GRM3: variants seen among roughly 807,000 people sequenced by gnomAD.
GRM3 encodes the protein metabotropic glutamate receptor 3.
In GRM3, 26 loss-of-function variants were observed where a neutral mutation model predicts 70.5. The observed-to-expected ratio is 0.37, with a 90% CI of 0.27 to 0.51. The LOEUF (loss-of-function observed/expected upper bound fraction) is 0.51. GRM3 is among the 20% of genes least tolerant of loss of function. GRM3 has a pLI of 0.93. For missense variants in GRM3, 859 were observed against 1,123.8 expected (o/e 0.76, Z 3.37); for synonymous variants, 443 against 434.9 (o/e 1.02, Z -0.23).
At chr7:86,810,661 A>G (rs1797891753) in intron 3 of GRM3, among the ~76,000 whole-genome samples, 1 of 151,992 alleles carries the variant, frequency 6.6e-6, no homozygotes, top group South Asian at 2.1e-4. Context: ...AAGTATTGCA[A>G]TATAAATAAA....
At chr7:86,669,829 C>A (rs934466035) in intron 1 of GRM3, among the ~76,000 whole-genome samples, 2 of 152,140 alleles carry the variant, frequency 1.3e-5, no homozygotes, top group Non-Finnish European at 2.9e-5. Flanking sequence ...TACACTTAGT[C>A]TCTCAATGAA....
Position 86,838,942 on chromosome 7 carries a change from A to G in GRM3, c.1428A>G (p.Gly476=). 1.2e-6 allele frequency: 2 copies of G among 1,613,846 alleles called. No homozygotes were observed. Among genetic ancestry groups the G allele is most frequent in the South Asian group, 2.2e-5 (2 of 91,072 alleles). The change falls in exon 4 of 6, where the codon GGA becomes GGG. Residue 476 remains glycine (G), a synonymous_variant. Coordinates refer to ENST00000361669, the MANE Select transcript of GRM3 (RefSeq NM_000840.3). ...TGTTCAATTTCCAAAATGTAGGTGG[A>G]AAGTATTCCTACTTGAAAGTTGGTC... ...YNVFNFQNVG[G]KYSYLKVGHW... is the part of the protein sequence containing the mutation.
chr7:86,681,363 A>C (rs1794436595), intron 1 of GRM3, among the ~76,000 whole-genome samples: 1 of 152,168 alleles, frequency 6.6e-6, no homozygotes, highest in Admixed American at 6.6e-5. Context: ...ATATGCCATC[A>C]GTTTCTAAGA....
chr7:86,802,683 C>T (rs892535836), intron 3 of GRM3, among the ~76,000 whole-genome samples: 2 of 151,592 alleles, frequency 1.3e-5, no homozygotes, highest in African/African-American at 2.4e-5. Flanking sequence ...TCACACCATT[C>T]TCTCACTCTA....
At chr7:86,736,949 C>T (rs1387933649) in intron 1 of GRM3, among the ~76,000 whole-genome samples, 4 of 151,426 alleles carry the variant, frequency 2.6e-5, no homozygotes, top group Non-Finnish European at 5.9e-5. Flanking sequence ...CAGACAGGCT[C>T]ATCAAAAAAA....
chr7:86,720,396 T>C (rs1471894451), intron 1 of GRM3, among the ~76,000 whole-genome samples: 1 of 152,032 alleles, frequency 6.6e-6, no homozygotes, highest in Non-Finnish European at 1.5e-5. Flanking sequence ...AGCAGTTGAT[T>C]AAAATAGCTT....
In GRM3 at chr7:86,831,791, G is replaced by A. The variant is rs141666719; in HGVS notation, c.1325-7048G>A. On this transcript the variant is annotated intron_variant, in intron 3 of 5. Coordinates refer to ENST00000361669, the MANE Select transcript of GRM3 (RefSeq NM_000840.3). ...AGTCCTCTTCAAAAGTCATAGCACC[G>A]TTAAAAAAAAAAAAAAAAAAAAAGC... Among the ~76,000 whole-genome samples, 11 of 62,706 alleles carry A rather than the reference G, an allele frequency of 1.8e-4. No individual in the cohort carries two copies. In the East Asian group the frequency reaches 4.2e-3, roughly 24 times the overall value. The allele number at this position is 62,706 out of a possible 152,430, so 41.1% of individuals were successfully genotyped here.
chr7:86,693,496 G>A (rs1794741975), intron 1 of GRM3, among the ~76,000 whole-genome samples: 1 of 152,160 alleles, frequency 6.6e-6, no homozygotes, highest in African/African-American at 2.4e-5. Context: ...GAAGAACTCA[G>A]TGAAACTGGG....
chr7:86,764,148 G>T (rs753512083), intron 1 of GRM3, among the ~76,000 whole-genome samples: 3 of 152,072 alleles, frequency 2.0e-5, no homozygotes, highest in African/African-American at 7.2e-5. Context: ...CTGTTTAACA[G>T]GCAGTTGACC....
At chr7:86,708,170 C>T (rs937233340) in intron 1 of GRM3, among the ~76,000 whole-genome samples, 2 of 152,072 alleles carry the variant, frequency 1.3e-5, no homozygotes, top group Non-Finnish European at 2.9e-5. Context: ...ACCCATAGGC[C>T]CTTTACTCAT....
At chr7:86,713,764 T>C (rs1455909278) in intron 1 of GRM3, among the ~76,000 whole-genome samples, 3 of 152,064 alleles carry the variant, frequency 2.0e-5, no homozygotes, top group Non-Finnish European at 2.9e-5. Flanking sequence ...TAGTTCTATG[T>C]ACATAGAAAA....
chr7:86,750,591 G>T (rs1796206806), intron 1 of GRM3, among the ~76,000 whole-genome samples: 1 of 151,970 alleles, frequency 6.6e-6, no homozygotes, highest in Non-Finnish European at 1.5e-5. Flanking sequence ...AACTGGTGCT[G>T]CTAAGATGAA....
intron 1 of GRM3, among the ~76,000 whole-genome samples, chr7:86,713,567 A>AC (rs1007596378): frequency 4.6e-5 from 7 of 151,494 alleles, no homozygotes; most frequent in African/African-American, 7.3e-5. Context: ...GCCCCTCCCT[A>AC]CCCCCCGTCA....
At chr7:86,808,467 C>T (rs1797842244) in intron 3 of GRM3, among the ~76,000 whole-genome samples, 2 of 151,242 alleles carry the variant, frequency 1.3e-5, no homozygotes, top group Non-Finnish European at 2.9e-5. Context: ...AGCAATGGCC[C>T]CACCCTCTTC....
chr7:86,813,501 C>G lies in GRM3; in HGVS notation c.1325-25338C>G, dbSNP rs552757674. Among the ~76,000 whole-genome samples, 3 of 151,878 alleles carry G rather than the reference C, an allele frequency of 2.0e-5. No individual in the cohort carries two copies. The South Asian group carries it at 6.2e-4, about 32-fold the overall frequency. ...GAACAGCAGTTGAATTTTTAATCAA[C>G]TTTTATTTTTAAAGCGTTATTAACA... On this transcript the variant is annotated intron_variant, in intron 3 of 5. Transcript: ENST00000361669.
chr7:86,776,452 TTC>T (rs1333251029), intron 2 of GRM3, among the ~76,000 whole-genome samples: 1 of 152,098 alleles, frequency 6.6e-6, no homozygotes, highest in African/African-American at 2.4e-5. Flanking sequence ...AATAACACAA[TTC>T]TGTTTGCTAC....
intron 3 of GRM3, among the ~76,000 whole-genome samples, chr7:86,800,808 T>C (rs1031821765): frequency 6.6e-6 from 1 of 152,156 alleles, no homozygotes; most frequent in Admixed American, 6.5e-5. Flanking sequence ...CACATCCTGA[T>C]ACAAAAACCT....
chr7:86,715,574 T>C (rs1240415746), intron 1 of GRM3, among the ~76,000 whole-genome samples: 1 of 151,976 alleles, frequency 6.6e-6, no homozygotes, highest in African/African-American at 2.4e-5. Flanking sequence ...AGGTCATATA[T>C]CCTCAGAACC....
In GRM3 at chr7:86,661,729, T is replaced by C. The variant is rs1437128695; in HGVS notation, c.-141+16857T>C. ...TCAATTTTTACAGAATAAAAAACAT[T>C]TTTTCCTGCCAATGTTGTTCTGAAG... On this transcript the variant is annotated intron_variant, in intron 1 of 5. Coordinates refer to ENST00000361669, the MANE Select transcript of GRM3 (RefSeq NM_000840.3). Among the ~76,000 whole-genome samples the C allele has an allele frequency of 2.6e-5, 4 of 151,686 alleles. 1 individual carries two copies. Among genetic ancestry groups the C allele is most frequent in the Non-Finnish European group, 5.9e-5 (4 of 67,870 alleles).
Sources: allele counts gnomAD v4.1 joint callset (sites outside exome capture counted in the v4.1 genomes callset), GRCh38; gene constraint gnomAD v4.1.1; transcripts MANE v1.5; gene names NCBI Gene and HGNC (gene_info 2026-07-23, HGNC 2026-07-21).